The following KLHL13 variants were observed in gnomAD, a reference collection of about 807,000 sequenced individuals.
KLHL13 encodes kelch-like protein 13.
A neutral mutation model predicts 37.1 loss-of-function variants in KLHL13; 10 were observed. That is an observed-to-expected ratio of 0.27 (90% CI 0.17 to 0.46). The LOEUF is 0.46. Among genes scored for constraint, KLHL13 ranks in the 20% least tolerant of loss-of-function variants. KLHL13 has a pLI of 1.00. For missense variants in KLHL13, 360 were observed against 509.3 expected, an observed-to-expected ratio of 0.71 and a Z score of 2.82; for synonymous variants, 163 against 181.2, an observed-to-expected ratio of 0.90 and a Z score of 0.81.
At chrX:118,024,982 A>G (rs1269011452) in intron 1 of KLHL13, among the ~76,000 whole-genome samples, 1 of 112,411 alleles carries the variant, frequency 8.9e-6, no homozygotes, top group Non-Finnish European at 1.9e-5. Context: ...TTAAATGACT[A>G]TCAACAGGAA....
Position 118,089,233 on chromosome X carries a change from G to T in KLHL13, c.-56+27275C>A, listed in dbSNP as rs143212317. On this transcript the variant is annotated intron_variant, in intron 1 of 6. Coordinates refer to the KLHL13 transcript ENST00000371882. Reference sequence around the variant, plus strand: ...CTGGGATGGGGTCAGAAGAGGCCCAGTGGAGAGCCAGGACTTTCACCACTA... The same window carrying T: ...CTGGGATGGGGTCAGAAGAGGCCCATTGGAGAGCCAGGACTTTCACCACTA... Among the ~76,000 whole-genome samples the T allele has an allele frequency of 7.8e-3, 862 of 110,863 alleles. 12 individuals carry two copies. Among genetic ancestry groups the T allele is most frequent in the African/African-American group, 0.026 (791 of 30,460 alleles).
At chrX:117,995,027 A>C (rs1190329661) in intron 1 of KLHL13, among the ~76,000 whole-genome samples, 1 of 112,154 alleles carries the variant, frequency 8.9e-6, no homozygotes. Context: ...CAGCCTGGGC[A>C]ATAGAGCGAG....
At chrX:118,081,187 A>T (rs2054989052) in intron 1 of KLHL13, among the ~76,000 whole-genome samples, 2 of 111,731 alleles carry the variant, frequency 1.8e-5, no homozygotes, top group Admixed American at 9.5e-5. Context: ...AGTGCGATAT[A>T]CCCATGTAAC....
At chrX:118,098,625 C>G (rs1419088940) in intron 1 of KLHL13, among the ~76,000 whole-genome samples, 1 of 107,597 alleles carries the variant, frequency 9.3e-6, no homozygotes, top group Non-Finnish European at 1.9e-5. Context: ...CACATGCACA[C>G]GTATGTTTAT....
chrX:118,095,430 A>G (rs1395170876), intron 1 of KLHL13, among the ~76,000 whole-genome samples: 1 of 111,397 alleles, frequency 9.0e-6, no homozygotes, highest in African/African-American at 3.3e-5. Flanking sequence ...AGACTCCCAC[A>G]CAATAATAAT....
At chrX:117,906,531 T>A (rs1179168073) in intron 5 of KLHL13, among the ~76,000 whole-genome samples, 1 of 110,586 alleles carries the variant, frequency 9.0e-6, no homozygotes, top group Non-Finnish European at 1.9e-5. Context: ...TCAAAGGGGG[T>A]GGAGTGGATC....
At chrX:118,047,197 A>G (rs1034248956) in intron 1 of KLHL13, among the ~76,000 whole-genome samples, 16 of 111,595 alleles carry the variant, frequency 1.4e-4, no homozygotes, top group East Asian at 2.8e-4. Flanking sequence ...AATACATTCC[A>G]GAAGGATCAA....
chrX:117,937,432 A>G (rs1932803318), intron 2 of KLHL13, among the ~76,000 whole-genome samples: 1 of 111,814 alleles, frequency 8.9e-6, no homozygotes, highest in Non-Finnish European at 1.9e-5. Context: ...GTTCTTTCTC[A>G]GCCTGGACCA....
chrX:118,055,781 T>C (rs764097564), intron 1 of KLHL13, among the ~76,000 whole-genome samples: 1 of 111,666 alleles, frequency 9.0e-6, no homozygotes, highest in East Asian at 2.8e-4. Context: ...AATAATTTAA[T>C]GTAATATTTT....
At chrX:118,098,753 T>G (rs1414439632) in intron 1 of KLHL13, among the ~76,000 whole-genome samples, 18 of 105,859 alleles carry the variant, frequency 1.7e-4, no homozygotes, top group Admixed American at 1.5e-3. Flanking sequence ...CCATAAAAAA[T>G]GATGAGTTCA....
chrX:118,104,454 G>C (rs778875213), intron 1 of KLHL13, among the ~76,000 whole-genome samples: 2 of 111,918 alleles, frequency 1.8e-5, no homozygotes, highest in Non-Finnish European at 3.8e-5. Context: ...TCATACTAGT[G>C]GGTTTAGCAG....
chrX:118,050,592 C>G (rs944582724), intron 1 of KLHL13, among the ~76,000 whole-genome samples: 2 of 111,429 alleles, frequency 1.8e-5, no homozygotes, highest in Non-Finnish European at 3.8e-5. Flanking sequence ...CTTTCCTTCT[C>G]TCTCTCTCTC....
At chrX:118,069,097 C>A (rs1211368034) in intron 1 of KLHL13, among the ~76,000 whole-genome samples, 1 of 88,669 alleles carries the variant, frequency 1.1e-5, no homozygotes, top group African/African-American at 5.8e-5. Context: ...AAAACAGGGC[C>A]ATCCAGAAGA....
intron 1 of KLHL13, among the ~76,000 whole-genome samples, chrX:117,989,817 C>T (rs904167787): frequency 3.6e-5 from 4 of 111,411 alleles, no homozygotes; most frequent in African/African-American, 1.3e-4. Context: ...CCCTCACATC[C>T]CTTAGAAGAT....
chrX:118,002,246 T>A (rs760412841), intron 1 of KLHL13, among the ~76,000 whole-genome samples: 3 of 111,192 alleles, frequency 2.7e-5, no homozygotes, highest in African/African-American at 9.8e-5. Context: ...TCAGGAGAGA[T>A]GATTTAAAAA....
chrX:117,980,192 G>C (rs1256997514), intron 1 of KLHL13, among the ~76,000 whole-genome samples: 1 of 111,511 alleles, frequency 9.0e-6, no homozygotes, highest in Non-Finnish European at 1.9e-5. Flanking sequence ...ATTTTGGTAA[G>C]AATAAACAAC....
intron 1 of KLHL13, among the ~76,000 whole-genome samples, chrX:118,094,291 C>T (rs191631730): frequency 3.6e-5 from 4 of 110,270 alleles, no homozygotes; most frequent in East Asian, 2.9e-4. Context: ...AGGGTATCAG[C>T]GATGGAAGAC....
intron 1 of KLHL13, among the ~76,000 whole-genome samples, chrX:117,951,221 A>C (rs1368389141): frequency 8.9e-6 from 1 of 111,857 alleles, no homozygotes; most frequent in Non-Finnish European, 1.9e-5. Flanking sequence ...GAAGTAAACT[A>C]ATGTATATAA....
At chrX:117,898,716 T>C in exon 7 of KLHL13, 1 of 425,504 alleles carries the variant, frequency 2.4e-6, no homozygotes, top group Non-Finnish European at 3.9e-6. Context: ...TCCAGAATGG[T>C]TGTGTTACCA....
Sources: allele counts gnomAD v4.1 joint callset (sites outside exome capture counted in the v4.1 genomes callset), GRCh38; gene constraint gnomAD v4.1.1; transcripts MANE v1.5; gene names NCBI Gene and HGNC (gene_info 2026-07-23, HGNC 2026-07-21).